The following DAPK1 variants were observed in gnomAD, a reference collection of about 807,000 sequenced individuals.
DAPK1 encodes death associated protein kinase 1.
Under a neutral mutation model 144.9 loss-of-function variants are expected in DAPK1, and 56 were observed. The ratio of observed to expected loss-of-function variants is 0.39; its 90% CI spans 0.31 to 0.48. DAPK1 has a LOEUF of 0.48. Among genes scored for constraint, DAPK1 ranks in the 20% least tolerant of loss-of-function variants. The pLI, the probability that DAPK1 is intolerant of heterozygous loss-of-function variation, is 0.95. For missense variants in DAPK1, 1,454 were observed against 1,875.4 expected (o/e 0.78, Z 4.15); for synonymous variants, 690 against 749.0 (o/e 0.92, Z 1.29).
chr9:87,648,706 G>A (rs1830344326), intron 14 of DAPK1, 75 bp from the exon 15 acceptor site: 11 of 1,311,008 alleles, frequency 8.4e-6, no homozygotes, highest in African/African-American at 1.4e-5. Context: ...AGGCCTGGGT[G>A]TAGGCCTTGG....
intron 2 of DAPK1, among the ~76,000 whole-genome samples, chr9:87,557,718 A>G (rs1826769705): frequency 6.6e-6 from 1 of 152,192 alleles, no homozygotes; most frequent in African/African-American, 2.4e-5. Flanking sequence ...AGGTGGGTGG[A>G]TCACTTGAGG....
chr9:87,567,418 G>C (rs1563998444), intron 2 of DAPK1, among the ~76,000 whole-genome samples: 1 of 152,024 alleles, frequency 6.6e-6, no homozygotes, highest in South Asian at 2.1e-4. Flanking sequence ...TGGGGCGTGG[G>C]GAAGAAATAA....
intron 24 of DAPK1, among the ~76,000 whole-genome samples, chr9:87,700,876 C>T (rs1825434818): frequency 6.6e-6 from 1 of 152,162 alleles, no homozygotes; most frequent in South Asian, 2.1e-4. Context: ...AGTAGAAAAA[C>T]AGTCACAAAC....
At chr9:87,563,667 A>C (rs549012738) in intron 2 of DAPK1, among the ~76,000 whole-genome samples, 1 of 152,328 alleles carries the variant, frequency 6.6e-6, no homozygotes, top group African/African-American at 2.4e-5. Flanking sequence ...CCCAGCCATC[A>C]GTCAGCACAC....
At chr9:87,566,242 C>T (rs1288903415) in intron 2 of DAPK1, among the ~76,000 whole-genome samples, 2 of 152,000 alleles carry the variant, frequency 1.3e-5, no homozygotes, top group Admixed American at 6.6e-5. Context: ...AGGATAATCT[C>T]GATCTCCTGA....
chr9:87,644,263 G>C (rs570698139), intron 11 of DAPK1, among the ~76,000 whole-genome samples: 1 of 152,036 alleles, frequency 6.6e-6, no homozygotes, highest in African/African-American at 2.4e-5. Context: ...CTTCAGATAC[G>C]AGTGGAAGTG....
chr9:87,499,436 T>G, intron 2 of DAPK1: 1 of 433,246 alleles, frequency 2.3e-6, no homozygotes, highest in Non-Finnish European at 4.1e-6. Context: ...CTTGCCCTTC[T>G]GTGACAACAG....
Position 87,706,803 on chromosome 9 carries a change from G to A in DAPK1, c.3732G>A (p.Glu1244=). The change falls in exon 26 of 26, where the codon GAG becomes GAA. Residue 1244 remains glutamate, a synonymous_variant. Transcript: ENST00000408954. This position sits in a 1 kb window ranked among gnomAD's most constrained non-coding sequence, Gnocchi z 9.0. ...ACCTGAGCCCCCAGCAGCTGCGGGA[G>A]CACCATGAGCCCGTCATGATCTACC... is the stretch of plus-strand genomic sequence containing the variant. ...KHYLSPQQLR[E]HHEPVMIYQP... 2 of 1,613,576 alleles carry A rather than the reference G, an allele frequency of 1.2e-6. No homozygotes were observed. Among genetic ancestry groups the A allele is most frequent in the Non-Finnish European group, 8.5e-7 (1 of 1,179,892 alleles).
intron 2 of DAPK1, among the ~76,000 whole-genome samples, chr9:87,586,124 C>CA (rs910637399): frequency 4.6e-5 from 7 of 152,024 alleles, no homozygotes; most frequent in African/African-American, 1.7e-4. Context: ...CCCACCTCTA[C>CA]AAAAAATACA....
chr9:87,581,037 C>T (rs1157893171), intron 2 of DAPK1, among the ~76,000 whole-genome samples: 1 of 152,174 alleles, frequency 6.6e-6, no homozygotes, highest in African/African-American at 2.4e-5. Context: ...AACGCGTGAC[C>T]CAGTTAGATA....
At chr9:87,654,028 T>A (rs1239363950) in intron 17 of DAPK1, among the ~76,000 whole-genome samples, 1 of 152,104 alleles carries the variant, frequency 6.6e-6, no homozygotes, top group African/African-American at 2.4e-5. Flanking sequence ...GCATTGAGAG[T>A]TTTATGGGCA....
At chr9:87,500,047 A>C (rs1157969192) in intron 2 of DAPK1, among the ~76,000 whole-genome samples, 1 of 152,230 alleles carries the variant, frequency 6.6e-6, no homozygotes, top group Non-Finnish European at 1.5e-5. Context: ...TTATATGTGC[A>C]TTGAAATATG....
At chr9:87,698,048 TC>T (rs1825320225) in intron 22 of DAPK1, among the ~76,000 whole-genome samples, 1 of 152,258 alleles carries the variant, frequency 6.6e-6, no homozygotes, top group Admixed American at 6.5e-5. Context: ...GAAATAAACT[TC>T]CTTTGGTCTT....
intron 6 of DAPK1, 45 bp downstream of exon 6, chr9:87,639,743 A>T (rs1261807455): frequency 1.2e-6 from 2 of 1,612,926 alleles, no homozygotes; most frequent in Admixed American, 3.3e-5. Context: ...GATTTATTTG[A>T]CTATTCTTCT....
chr9:87,703,514 T>TC (rs1027139208), intron 25 of DAPK1, among the ~76,000 whole-genome samples: 3 of 152,024 alleles, frequency 2.0e-5, no homozygotes, highest in African/African-American at 4.8e-5. Context: ...CTCTCTTCAC[T>TC]CCCCCTGGGC....
chr9:87,528,891 A>T (rs945305580), intron 2 of DAPK1, among the ~76,000 whole-genome samples: 13 of 139,732 alleles, frequency 9.3e-5, no homozygotes, highest in African/African-American at 3.5e-4. Flanking sequence ...AAAAAAAAAA[A>T]TCACCTCCAA....
At chr9:87,509,198 T>C (rs1824734443) in intron 2 of DAPK1, among the ~76,000 whole-genome samples, 1 of 152,208 alleles carries the variant, frequency 6.6e-6, no homozygotes, top group South Asian at 2.1e-4. Context: ...AGACTTTTAA[T>C]GGGTGCTGCT....
chr9:87,534,260 T>TTG (rs765014215), intron 2 of DAPK1, among the ~76,000 whole-genome samples: 54 of 150,574 alleles, frequency 3.6e-4, no homozygotes, highest in African/African-American at 1.2e-3. Flanking sequence ...TTTTTTTTGT[T>TTG]TTTTTTTTTA....
chr9:87,651,403 C>G (rs1263257339), intron 16 of DAPK1, 124 bp from the exon 17 acceptor site: 1 of 918,070 alleles, frequency 1.1e-6, no homozygotes, highest in East Asian at 2.4e-5. Context: ...AAATCCTCCA[C>G]TAGGGCTTTT....
Sources: gnomAD v4.1 joint callset for allele counts (sites outside exome capture counted in the v4.1 genomes callset) on GRCh38, gnomAD v4.1.1 for gene constraint, Gnocchi (gnomAD v3.1) non-coding constraint, MANE v1.5 for transcripts, NCBI Gene and HGNC (gene_info 2026-07-23, HGNC 2026-07-21) for gene names.